Variants in ARL15 observed in about 807,000 individuals in gnomAD.
ARL15 encodes the protein ARF like GTPase 15, also known as ADP-ribosylation factor-like protein 15.
In ARL15, 19 loss-of-function variants were observed where a neutral mutation model predicts 25.2. That is an observed-to-expected ratio of 0.75 (90% CI 0.53 to 1.10). The LOEUF (loss-of-function observed/expected upper bound fraction) is 1.10. Among genes scored for constraint, ARL15 ranks in the 50% least tolerant of loss-of-function variants. The probability of loss-of-function intolerance (pLI) is 0.00; values close to 1 mark genes in which losing one functional copy is unlikely to be tolerated. For missense variants in ARL15, 220 were observed against 246.0 expected (o/e 0.89, Z 0.71); for synonymous variants, 94 against 86.8 (o/e 1.08, Z -0.46).
Position 54,095,926 on chromosome 5 carries a change from A to T in ARL15, c.462+17276T>A, listed in dbSNP as rs183465929. On this transcript the variant is annotated intron_variant, in intron 4 of 4. Coordinates refer to ENST00000504924, the MANE Select transcript of ARL15 (RefSeq NM_019087.3). The stretch of plus-strand genomic sequence containing the variant: ...ATAATAAAATGTTTTTGTTATTTTT[A>T]AAAAAATTTAATGACAGGAGATTGT... 7.9e-3 allele frequency among the ~76,000 whole-genome samples: 1,197 copies of T among 152,288 alleles called. 7 individuals carry two copies. The highest frequency in any genetic ancestry group is 0.012 in the Non-Finnish European group (805 of 68,010).
chr5:54,060,961 C>A (rs995312347), intron 4 of ARL15, among the ~76,000 whole-genome samples: 4 of 152,142 alleles, frequency 2.6e-5, no homozygotes, highest in Non-Finnish European at 5.9e-5. Flanking sequence ...AAAAGAAAAT[C>A]CCATTTTCTG....
chr5:54,162,020 CACACAG>C (rs768085847), intron 2 of ARL15, among the ~76,000 whole-genome samples: 121 of 136,306 alleles, frequency 8.9e-4, no homozygotes, highest in African/African-American at 2.2e-3. Context: ...CACACACACA[CACACAG>C]AGAGAGATAC....
intron 4 of ARL15, among the ~76,000 whole-genome samples, chr5:53,889,638 T>C (rs547737793): frequency 6.6e-6 from 1 of 152,290 alleles, no homozygotes; most frequent in Non-Finnish European, 1.5e-5. Context: ...AACTCTACAT[T>C]TATGGTATCA....
chr5:53,906,882 C>G (rs929142314), intron 4 of ARL15, among the ~76,000 whole-genome samples: 1 of 152,178 alleles, frequency 6.6e-6, no homozygotes. Context: ...CCTCCCCACA[C>G]CAGTCCTTCC....
chr5:54,044,306 C>T (rs984090252), intron 4 of ARL15, among the ~76,000 whole-genome samples: 2 of 142,674 alleles, frequency 1.4e-5, no homozygotes, highest in African/African-American at 5.3e-5. Context: ...TGCAATGGTG[C>T]GATCTTGGCT....
chr5:54,019,580 C>T (rs950259877), intron 4 of ARL15, among the ~76,000 whole-genome samples: 4 of 152,162 alleles, frequency 2.6e-5, no homozygotes, highest in African/African-American at 9.7e-5. Context: ...TTATCTCAAT[C>T]TCTGAATGTA....
At position 54,171,161 on chromosome 5, in the gene ARL15, T is replaced by C. The variant is rs547201844; in HGVS notation, c.193+623A>G. On this transcript the variant is annotated intron_variant, in intron 2 of 4. Coordinates refer to ENST00000504924, the MANE Select transcript of ARL15 (RefSeq NM_019087.3). The stretch of plus-strand genomic sequence containing the variant: ...TTTGCTGTGGGGGCTGCCCTGTACA[T>C]TGAAGGATGTTTAGTAGCACCACTG... 2.6e-5 allele frequency among the ~76,000 whole-genome samples: 4 copies of C among 152,258 alleles called. No individual in the cohort carries two copies. In the South Asian group the frequency reaches 8.3e-4, roughly 32 times the overall value.
At chr5:54,114,903 A>G (rs902832159) in intron 3 of ARL15, among the ~76,000 whole-genome samples, 5 of 152,236 alleles carry the variant, frequency 3.3e-5, no homozygotes, top group Non-Finnish European at 7.3e-5. Flanking sequence ...AGTCCTAACC[A>G]GTTAATAACT....
chr5:54,158,402 T>A (rs969687065), intron 2 of ARL15, among the ~76,000 whole-genome samples: 3 of 152,304 alleles, frequency 2.0e-5, no homozygotes, highest in Admixed American at 2.0e-4. Context: ...GGTTGATTTG[T>A]TTTATATTTG....
chr5:54,200,666 C>T (rs1219665282), intron 1 of ARL15, among the ~76,000 whole-genome samples: 1 of 152,162 alleles, frequency 6.6e-6, no homozygotes, highest in Non-Finnish European at 1.5e-5. Context: ...AGGCAGAGGT[C>T]AGTGTTGCTC....
chr5:54,172,729 G>T (rs905667581), intron 1 of ARL15, among the ~76,000 whole-genome samples: 59 of 152,214 alleles, frequency 3.9e-4, no homozygotes, highest in African/African-American at 1.4e-3. Context: ...TAGTGATGCT[G>T]AGTAAAGAGA....
intron 4 of ARL15, among the ~76,000 whole-genome samples, chr5:54,006,289 T>A (rs1749040924): frequency 6.6e-6 from 1 of 152,064 alleles, no homozygotes; most frequent in Non-Finnish European, 1.5e-5. Context: ...CTTTCCAGAG[T>A]GTCTGAAAAG....
intron 4 of ARL15, among the ~76,000 whole-genome samples, chr5:54,087,680 A>G (rs1752014024): frequency 6.6e-6 from 1 of 152,370 alleles, no homozygotes; most frequent in African/African-American, 2.4e-5. Flanking sequence ...TCACAAAGAC[A>G]ATGGAAGAAG....
At chr5:54,154,665 A>C (rs1377597899) in intron 2 of ARL15, 26 bp from the exon 3 acceptor site, 2 of 1,403,426 alleles carry the variant, frequency 1.4e-6, no homozygotes, top group Admixed American at 2.8e-5. Context: ...AAAAACATAA[A>C]AAAAGAATTA....
At chr5:54,287,348 G>A (rs75248253) in intron 1 of ARL15, among the ~76,000 whole-genome samples, 255 of 152,028 alleles carry the variant, frequency 1.7e-3, no homozygotes, top group Non-Finnish European at 1.8e-3. Context: ...TCAGGGGTAT[G>A]CACAATGGGC....
At chr5:53,946,455 G>GAAAAAAAA (rs55727717) in intron 4 of ARL15, among the ~76,000 whole-genome samples, 3 of 43,952 alleles carry the variant, frequency 6.8e-5, no homozygotes, top group African/African-American at 1.8e-4. Context: ...GTCTCAAGAG[G>GAAAAAAAA]AAAAAAAAAA....
chr5:54,096,498 A>C (rs532383076), intron 4 of ARL15, among the ~76,000 whole-genome samples: 7 of 152,072 alleles, frequency 4.6e-5, no homozygotes, highest in African/African-American at 9.7e-5. Flanking sequence ...ACTGCAACCA[A>C]CTCCTGGGTT....
intron 4 of ARL15, among the ~76,000 whole-genome samples, chr5:53,891,467 CTAGAAATGAAA>C (rs1744705922): frequency 6.6e-6 from 1 of 152,160 alleles, no homozygotes; most frequent in Non-Finnish European, 1.5e-5. Context: ...CCAGTCATTG[CTAGAAATGAAA>C]ACAACCTGCA....
intron 4 of ARL15, among the ~76,000 whole-genome samples, chr5:54,077,318 G>A (rs1046403319): frequency 5.3e-5 from 8 of 152,124 alleles, no homozygotes; most frequent in South Asian, 2.1e-4. Context: ...AACGTAAAAA[G>A]TGTCTTACCA....
Sources: gnomAD v4.1 joint callset for allele counts (sites outside exome capture counted in the v4.1 genomes callset) on GRCh38, gnomAD v4.1.1 for gene constraint, MANE v1.5 for transcripts, NCBI Gene and HGNC (gene_info 2026-07-23, HGNC 2026-07-21) for gene names.